The following NR2C1 variants were observed in gnomAD, a reference collection of about 807,000 sequenced individuals.
NR2C1 encodes nuclear receptor subfamily 2 group C member 1.
NR2C1 carries 33 observed loss-of-function variants against 74.8 expected under a neutral mutation model. The observed-to-expected ratio is 0.44, with a 90% CI of 0.33 to 0.59. NR2C1 has a LOEUF of 0.59. NR2C1 is among the 20% of genes least tolerant of loss of function. NR2C1 has a pLI of 0.02. For missense variants in NR2C1, 568 were observed against 715.6 expected (o/e 0.79, Z 2.35); for synonymous variants, 225 against 240.6 (o/e 0.94, Z 0.60).
chr12:95,052,374 T>C (rs1176466256), intron 7 of NR2C1, among the ~76,000 whole-genome samples: 1 of 152,230 alleles, frequency 6.6e-6, no homozygotes, highest in African/African-American at 2.4e-5. Context: ...TAAGATGGTC[T>C]TGATCTCCTG....
intron 1 of NR2C1, among the ~76,000 whole-genome samples, chr12:95,070,877 T>C (rs1481533633): frequency 6.6e-6 from 1 of 152,138 alleles, no homozygotes; most frequent in Non-Finnish European, 1.5e-5. Context: ...TCCTACTTTC[T>C]CCCTCATTTA....
At chr12:95,025,372 G>T (rs915008976) in intron 12 of NR2C1, 117 bp from the exon 13 acceptor site, 2 of 587,418 alleles carry the variant, frequency 3.4e-6, no homozygotes, top group East Asian at 3.1e-5. Context: ...AAAATGTGTG[G>T]CTCAGGCCGG....
At chr12:95,068,404 C>T (rs909736204) in intron 1 of NR2C1, among the ~76,000 whole-genome samples, 4 of 152,030 alleles carry the variant, frequency 2.6e-5, no homozygotes, top group Non-Finnish European at 2.9e-5. Context: ...GTGGGAGAAC[C>T]GAATTCAGCC....
At chr12:95,060,275 C>T (rs864450) in intron 3 of NR2C1, among the ~76,000 whole-genome samples, 30,033 of 152,078 alleles carry the variant, frequency 0.2, 3,033 homozygotes, top group Non-Finnish European at 0.22. Flanking sequence ...CAGATGTGCT[C>T]GCTATACAAA....
At chr12:95,025,509 T>C (rs1869246383) in intron 12 of NR2C1, among the ~76,000 whole-genome samples, 1 of 151,148 alleles carries the variant, frequency 6.6e-6, no homozygotes. Flanking sequence ...AAATACAAAA[T>C]TAGCCAGGCA....
chr12:95,065,426 T>C (rs1875526516), intron 2 of NR2C1, among the ~76,000 whole-genome samples: 1 of 152,152 alleles, frequency 6.6e-6, no homozygotes, highest in African/African-American at 2.4e-5. Context: ...AAATAGTTGA[T>C]TCATTTAAAA....
chr12:95,026,448 C>T (rs1869378729), intron 12 of NR2C1, among the ~76,000 whole-genome samples: 1 of 152,022 alleles, frequency 6.6e-6, no homozygotes, highest in African/African-American at 2.4e-5. Context: ...AAAAATTATG[C>T]ATAGCTTAAG....
intron 8 of NR2C1, chr12:95,049,512 C>T (rs1009765402): frequency 1.8e-5 from 4 of 225,438 alleles, no homozygotes; most frequent in Admixed American, 1.1e-4. Context: ...TATATTTTAT[C>T]GCTTGAGTCC....
rs1450618828 is a variant in NR2C1 at position 95,067,314 on chromosome 12, C to T, written c.54+17G>A. 1.2e-6 allele frequency: 2 copies of T among 1,611,104 alleles called. No individual in the cohort carries two copies. Among genetic ancestry groups the T allele is most frequent in the Admixed American group, 3.3e-5 (2 of 59,962 alleles). Reference sequence around the variant, plus strand: ...AAAGTTTGGTGGGCCAGTGCATCAACCGTAAACTAGACATACCTCTCCCAT... The same window carrying T: ...AAAGTTTGGTGGGCCAGTGCATCAATCGTAAACTAGACATACCTCTCCCAT... On this transcript the variant is annotated intron_variant, in intron 2 of 13. Transcript: ENST00000333003.
chr12:95,047,895 T>C (rs1244901668), intron 9 of NR2C1, among the ~76,000 whole-genome samples: 4 of 152,218 alleles, frequency 2.6e-5, no homozygotes, highest in Non-Finnish European at 4.4e-5. Flanking sequence ...GTATTCTGCA[T>C]GTATTGTTTC....
At chr12:95,028,278 T>C in intron 12 of NR2C1, 109 bp downstream of exon 12, 1 of 832,100 alleles carries the variant, frequency 1.2e-6, no homozygotes, top group Non-Finnish European at 1.9e-6. Context: ...CTGAACTCTT[T>C]TCCCAGGTAA....
chr12:95,029,559 CTT>C (rs34742046), intron 11 of NR2C1, among the ~76,000 whole-genome samples: 24 of 130,064 alleles, frequency 1.8e-4, no homozygotes, highest in African/African-American at 2.2e-4. Flanking sequence ...GTAATGGTTC[CTT>C]TTTTTTTTTT....
chr12:95,056,209 C>G (rs910820924), intron 7 of NR2C1, among the ~76,000 whole-genome samples: 3 of 152,010 alleles, frequency 2.0e-5, no homozygotes, highest in African/African-American at 7.2e-5. Flanking sequence ...GAGGCTGCAG[C>G]AAGCCATTAC....
At chr12:95,040,452 T>C in intron 10 of NR2C1, 24 bp downstream of exon 10, 1 of 1,583,160 alleles carries the variant, frequency 6.3e-7, no homozygotes, top group Non-Finnish European at 8.6e-7. Flanking sequence ...ATCACATTTA[T>C]ATTCAAGATT....
intron 9 of NR2C1, among the ~76,000 whole-genome samples, chr12:95,044,787 T>C (rs1360770497): frequency 6.6e-6 from 1 of 151,716 alleles, no homozygotes; most frequent in African/African-American, 2.4e-5. Flanking sequence ...GAGGCTGAGG[T>C]GGGAGGATGG....
chr12:95,065,897 C>T (rs1224148745), intron 2 of NR2C1, among the ~76,000 whole-genome samples: 3 of 151,528 alleles, frequency 2.0e-5, no homozygotes, highest in East Asian at 3.9e-4. Context: ...TTGCAGTGAG[C>T]CAAGACAGCG....
chr12:95,030,928 T>G, intron 11 of NR2C1: 2 of 1,336,386 alleles, frequency 1.5e-6, no homozygotes, highest in Non-Finnish European at 2.1e-6. Context: ...CAGAACTATT[T>G]AGGTGAGAGA....
chr12:95,049,092 G>A lies in NR2C1; in HGVS notation c.1107C>T (p.Leu369=), dbSNP rs1463385201. 1.2e-6 allele frequency: 2 copies of A among 1,613,964 alleles called. No individual in the cohort carries two copies. Among genetic ancestry groups the A allele is most frequent in the South Asian group, 1.1e-5 (1 of 91,062 alleles). ...INYTEKEGPL[L]SDSHVAFRLT... Reference sequence around the variant, plus strand: ...CCCTGAAAGCTACATGTGAATCGCTGAGAAGTGGCCCCTCTTTTTCGGTGT... The same window carrying A: ...CCCTGAAAGCTACATGTGAATCGCTAAGAAGTGGCCCCTCTTTTTCGGTGT... Residue 369 remains leucine (L), a synonymous_variant, in exon 9 of 14, where the codon CTC becomes CTT. Coordinates refer to ENST00000333003, the MANE Select transcript of NR2C1 (RefSeq NM_003297.4).
chr12:95,032,705 C>T (rs1345563577), intron 10 of NR2C1, among the ~76,000 whole-genome samples: 1 of 152,006 alleles, frequency 6.6e-6, no homozygotes, highest in Non-Finnish European at 1.5e-5. Flanking sequence ...CAGTAGCTCA[C>T]GTCTGTAATC....
Sources: gnomAD v4.1 joint callset for allele counts (sites outside exome capture counted in the v4.1 genomes callset) on GRCh38, gnomAD v4.1.1 for gene constraint, MANE v1.5 for transcripts, NCBI Gene and HGNC (gene_info 2026-07-23, HGNC 2026-07-21) for gene names.